Variants in RNF180 observed in about 807,000 individuals in gnomAD.
RNF180 encodes the protein ring finger protein 180, also known as E3 ubiquitin-protein ligase RNF180.
Under a neutral mutation model 59.2 loss-of-function variants are expected in RNF180, and 38 were observed. That is an observed-to-expected ratio of 0.64 (90% CI 0.50 to 0.84). The LOEUF (loss-of-function observed/expected upper bound fraction) is 0.84. Ranked by LOEUF, RNF180 falls within the 40% of genes least tolerant of loss-of-function variation. The probability of loss-of-function intolerance (pLI) is 0.00; values close to 1 mark genes in which losing one functional copy is unlikely to be tolerated. For missense variants in RNF180, 705 were observed against 700.9 expected, an observed-to-expected ratio of 1.01 and a Z score of -0.07; for synonymous variants, 262 against 240.3, an observed-to-expected ratio of 1.09 and a Z score of -0.84.
chr5:64,333,436 G>T (rs1187393415), intron 7 of RNF180, among the ~76,000 whole-genome samples: 1 of 151,212 alleles, frequency 6.6e-6, no homozygotes, highest in Non-Finnish European at 1.5e-5. Context: ...TCCCAAAAGT[G>T]CTGGGATTAT....
chr5:64,219,761 C>T (rs1330517445), intron 5 of RNF180, among the ~76,000 whole-genome samples: 9 of 151,940 alleles, frequency 5.9e-5, no homozygotes, highest in South Asian at 4.2e-4. Context: ...CCTCATGATC[C>T]GCCTGCCTCA....
At chr5:64,367,963 T>C (rs939719676) in intron 7 of RNF180, among the ~76,000 whole-genome samples, 2 of 151,766 alleles carry the variant, frequency 1.3e-5, no homozygotes, top group African/African-American at 4.8e-5. Context: ...AGTTTATATA[T>C]TGGTCAACCA....
intron 7 of RNF180, among the ~76,000 whole-genome samples, chr5:64,359,486 G>GT (rs1429317605): frequency 1.3e-5 from 2 of 151,676 alleles, no homozygotes; most frequent in African/African-American, 4.8e-5. Context: ...GGGGTTGTTT[G>GT]TTTTTTTCTT....
At chr5:64,288,442 C>G (rs1241242877) in intron 5 of RNF180, among the ~76,000 whole-genome samples, 1 of 151,982 alleles carries the variant, frequency 6.6e-6, no homozygotes, top group African/African-American at 2.4e-5. Flanking sequence ...TGAAGAATGC[C>G]ACTGATAAGT....
At chr5:64,247,244 T>G (rs1440302563) in intron 5 of RNF180, among the ~76,000 whole-genome samples, 1 of 152,118 alleles carries the variant, frequency 6.6e-6, no homozygotes, top group African/African-American at 2.4e-5. Flanking sequence ...TTCAGTACAG[T>G]ATTGGAAGTT....
At position 64,213,983 on chromosome 5, in the gene RNF180, C is replaced by T. The variant is rs148816984; in HGVS notation, c.657C>T (p.Cys219=). ...TTCCCCAGCTTGTGACTGGCAGATG[C>T]GCTACAAGAGCTTTTCATAGAAAAT... ...LFVPQLVTGR[C]ATRAFHRKSH... Residue 219 remains cysteine (C), a synonymous_variant, in exon 4 of 8, where the codon TGC becomes TGT. Coordinates refer to ENST00000389100, the MANE Select transcript of RNF180 (RefSeq NM_001113561.2). The T allele has an allele frequency of 5.2e-3, 8,457 of 1,613,958 alleles. 26 individuals are homozygous for T. The highest frequency in any genetic ancestry group is 6.1e-3 in the Non-Finnish European group (7,220 of 1,179,878).
chr5:64,228,484 A>G (rs1741907448), intron 5 of RNF180, among the ~76,000 whole-genome samples: 1 of 152,190 alleles, frequency 6.6e-6, no homozygotes, highest in African/African-American at 2.4e-5. Context: ...ATTGCACCCC[A>G]TCCTGGATGA....
At chr5:64,268,285 T>A (rs774717082) in intron 5 of RNF180, among the ~76,000 whole-genome samples, 5 of 152,136 alleles carry the variant, frequency 3.3e-5, no homozygotes, top group Non-Finnish European at 5.9e-5. Context: ...TGAATTATAG[T>A]AACTACATTA....
At chr5:64,349,410 CT>C (rs57419146) in intron 7 of RNF180, among the ~76,000 whole-genome samples, 1,738 of 139,092 alleles carry the variant, frequency 0.012, 17 homozygotes, top group African/African-American at 0.031. Context: ...AGTCTTCTTT[CT>C]TTTTTTTTTT....
chr5:64,283,212 A>G (rs1742101148), intron 5 of RNF180, among the ~76,000 whole-genome samples: 1 of 152,314 alleles, frequency 6.6e-6, no homozygotes, highest in African/African-American at 2.4e-5. Flanking sequence ...TAGGATAGAT[A>G]CATCTTGTTG....
At chr5:64,319,591 T>G (rs1744239637) in intron 5 of RNF180, among the ~76,000 whole-genome samples, 1 of 152,224 alleles carries the variant, frequency 6.6e-6, no homozygotes, top group Non-Finnish European at 1.5e-5. Flanking sequence ...AAATTTAAAA[T>G]ACAAATGTTT....
At chr5:64,285,316 T>TAGC (rs1289685736) in intron 5 of RNF180, among the ~76,000 whole-genome samples, 1 of 152,164 alleles carries the variant, frequency 6.6e-6, no homozygotes, top group Non-Finnish European at 1.5e-5. Flanking sequence ...CCGTTGTCAC[T>TAGC]AGCAGCAGCA....
chr5:64,214,377 C>T lies in RNF180; in HGVS notation c.1051C>T (p.His351Tyr), dbSNP rs1376395487. 1.9e-6 allele frequency: 3 copies of T among 1,614,086 alleles called. No homozygotes were observed. The South Asian group carries it at 3.3e-5, about 18-fold the overall frequency. ...GCCGGAGGCCTCAGACCAGGAAGAGCACCTCTCCCCTCTGGACTTCCTGCA... is the reference window on the plus strand; with the variant it reads ...GCCGGAGGCCTCAGACCAGGAAGAGTACCTCTCCCCTCTGGACTTCCTGCA... ...SMPEASDQEEHLSPLDFLHSA... is the reference protein window; with the variant it reads ...SMPEASDQEEYLSPLDFLHSA... Residue 351 changes from histidine (H) to tyrosine (Y), a missense_variant, in exon 4 of 8, where the codon CAC becomes TAC. Physicochemically the swap from His to Tyr is moderately conservative, Grantham distance 83. Transcript: ENST00000389100.
intron 5 of RNF180, among the ~76,000 whole-genome samples, chr5:64,233,663 C>T (rs933564482): frequency 2.6e-5 from 4 of 152,166 alleles, no homozygotes; most frequent in Non-Finnish European, 4.4e-5. Flanking sequence ...AAAAATTTGG[C>T]CACTGTGCCC....
chr5:64,179,801 AG>A (rs1579937314), intron 1 of RNF180, among the ~76,000 whole-genome samples: 1 of 152,208 alleles, frequency 6.6e-6, no homozygotes, highest in South Asian at 2.1e-4. Flanking sequence ...TTATTTTATC[AG>A]ACATTATCAA....
chr5:64,316,420 C>T (rs930253545), intron 5 of RNF180, among the ~76,000 whole-genome samples: 1 of 152,136 alleles, frequency 6.6e-6, no homozygotes, highest in Non-Finnish European at 1.5e-5. Flanking sequence ...TGAGATGTCC[C>T]TTTCTGGAAA....
In RNF180 at chr5:64,317,629, C is replaced by T. The variant is rs917957498; in HGVS notation, c.1228-7557C>T. Among the ~76,000 whole-genome samples, 845 of 148,910 alleles carry T rather than the reference C, an allele frequency of 5.7e-3. 24 individuals carry two copies. The highest frequency in any genetic ancestry group is 0.05 in the Admixed American group (746 of 14,918). ...ACACACACACACACATATATACACA[C>T]ACACACACACACACACACACAGTAG... is the stretch of plus-strand genomic sequence containing the variant. On this transcript the variant is annotated intron_variant, in intron 5 of 7. Coordinates refer to ENST00000389100, the MANE Select transcript of RNF180 (RefSeq NM_001113561.2).
intron 5 of RNF180, among the ~76,000 whole-genome samples, chr5:64,225,252 A>G (rs10805384): frequency 0.45 from 68,494 of 151,996 alleles, 16,891 homozygotes; most frequent in African/African-American, 0.66. Context: ...GCATAGGAAA[A>G]ACTATCTTTT....
At chr5:64,209,005 GA>G (rs1471423363) in intron 2 of RNF180, among the ~76,000 whole-genome samples, 1 of 151,858 alleles carries the variant, frequency 6.6e-6, no homozygotes, top group African/African-American at 2.4e-5. Context: ...AAGCGTTAGA[GA>G]AGAATAGCAG....
Sources: gnomAD v4.1 joint callset for allele counts (sites outside exome capture counted in the v4.1 genomes callset) on GRCh38, gnomAD v4.1.1 for gene constraint, MANE v1.5 for transcripts, NCBI Gene and HGNC (gene_info 2026-07-23, HGNC 2026-07-21) for gene names.